DENND1A: variants seen among roughly 807,000 people sequenced by gnomAD.
DENND1A encodes the protein DENN domain-containing protein 1A.
In DENND1A, 51 loss-of-function variants were observed where a neutral mutation model predicts 113.7. The observed-to-expected ratio is 0.45, with a 90% confidence interval of 0.36 to 0.57. The LOEUF (loss-of-function observed/expected upper bound fraction) is 0.57, where lower values mean the gene tolerates loss of function less well. Among genes scored for constraint, DENND1A ranks in the 20% least tolerant of loss-of-function variants. DENND1A has a pLI of 0.00. For synonymous variants in DENND1A, 565 were observed against 570.8 expected (o/e 0.99, Z 0.14); for missense variants, 1,258 against 1,395.9 (o/e 0.90, Z 1.57).
At chr9:123,717,625 A>G (rs2067063029) in intron 5 of DENND1A, among the ~76,000 whole-genome samples, 1 of 152,242 alleles carries the variant, frequency 6.6e-6, no homozygotes, top group South Asian at 2.1e-4. Flanking sequence ...ATTATAGAAA[A>G]GAGGATATAC....
At chr9:123,630,609 T>A in intron 9 of DENND1A, 133 bp from the exon 10 acceptor site, 1 of 530,984 alleles carries the variant, frequency 1.9e-6, no homozygotes, top group Non-Finnish European at 3.0e-6. Flanking sequence ...GAAATCATTC[T>A]AAGTTAACTC....
chr9:123,780,456 CTG>C, intron 3 of DENND1A, among the ~76,000 whole-genome samples: 1 of 152,324 alleles, frequency 6.6e-6, no homozygotes, highest in South Asian at 2.1e-4. Flanking sequence ...ATAGCATTGA[CTG>C]AGCACTTACT....
At chr9:123,476,708 T>C (rs889884406) in intron 13 of DENND1A, among the ~76,000 whole-genome samples, 14 of 152,220 alleles carry the variant, frequency 9.2e-5, no homozygotes, top group Non-Finnish European at 1.9e-4. Flanking sequence ...ACTTGTATGC[T>C]CTTACCATGT....
intron 11 of DENND1A, among the ~76,000 whole-genome samples, chr9:123,608,122 T>C (rs1564808908): frequency 6.6e-6 from 1 of 152,170 alleles, no homozygotes; most frequent in Non-Finnish European, 1.5e-5. Context: ...GTGTACTGTA[T>C]GTGCTTAGGG....
At chr9:123,635,184 G>A (rs2061644323) in intron 9 of DENND1A, among the ~76,000 whole-genome samples, 1 of 152,096 alleles carries the variant, frequency 6.6e-6, no homozygotes, top group Non-Finnish European at 1.5e-5. Context: ...TCTGCAACTT[G>A]ACGTGAAATA....
intron 5 of DENND1A, among the ~76,000 whole-genome samples, chr9:123,684,147 A>C (rs1305583124): frequency 2.0e-5 from 3 of 152,178 alleles, no homozygotes; most frequent in Non-Finnish European, 4.4e-5. Flanking sequence ...TTCAATTGCT[A>C]TGTAAAAAGT....
intron 5 of DENND1A, among the ~76,000 whole-genome samples, chr9:123,748,808 G>A (rs2069753142): frequency 6.6e-6 from 1 of 152,108 alleles, no homozygotes; most frequent in Non-Finnish European, 1.5e-5. Context: ...AAAGCACCGA[G>A]GAGCCTCTCC....
chr9:123,846,961 A>C (rs1842707482), intron 2 of DENND1A, among the ~76,000 whole-genome samples: 1 of 152,206 alleles, frequency 6.6e-6, no homozygotes, highest in Non-Finnish European at 1.5e-5. Flanking sequence ...TATCTCAAGA[A>C]ACTTATTAAA....
At chr9:123,747,101 T>A (rs1234234955) in intron 5 of DENND1A, among the ~76,000 whole-genome samples, 1 of 151,814 alleles carries the variant, frequency 6.6e-6, no homozygotes, top group African/African-American at 2.4e-5. Context: ...ATTTTAAAAT[T>A]AAAAACTTAA....
At chr9:123,846,951 T>A (rs1842706726) in intron 2 of DENND1A, among the ~76,000 whole-genome samples, 1 of 152,252 alleles carries the variant, frequency 6.6e-6, no homozygotes, top group Non-Finnish European at 1.5e-5. Flanking sequence ...GGTTTGTGAA[T>A]ATCTCAAGAA....
chr9:123,460,983 G>A (rs945000717), intron 13 of DENND1A, among the ~76,000 whole-genome samples: 1 of 152,218 alleles, frequency 6.6e-6, no homozygotes, highest in African/African-American at 2.4e-5. Flanking sequence ...TAGGGGTGAG[G>A]AAAGGGAGAG....
At chr9:123,625,559 C>G (rs2061169540) in intron 10 of DENND1A, among the ~76,000 whole-genome samples, 1 of 152,178 alleles carries the variant, frequency 6.6e-6, no homozygotes, top group Admixed American at 6.5e-5. Context: ...GCCTGGCCAA[C>G]ATGGCGAAAC....
At chr9:123,411,534 C>G (rs1017178789) in intron 20 of DENND1A, 1 of 153,548 alleles carries the variant, frequency 6.5e-6, no homozygotes, top group Admixed American at 6.5e-5. Flanking sequence ...ACGCAGCACA[C>G]AGTGGCCCCC....
chr9:123,650,837 G>A (rs1236978945), intron 9 of DENND1A, among the ~76,000 whole-genome samples: 1 of 149,704 alleles, frequency 6.7e-6, no homozygotes, highest in Non-Finnish European at 1.5e-5. Context: ...TACCTGGGAG[G>A]TGGAGGTTGC....
chr9:123,566,423 C>T (rs1051593595), intron 12 of DENND1A, among the ~76,000 whole-genome samples: 3 of 152,258 alleles, frequency 2.0e-5, no homozygotes, highest in East Asian at 1.9e-4. Flanking sequence ...ACCCTACGAG[C>T]CCGGGTCTCT....
At chr9:123,824,045 A>G (rs1838928811) in intron 2 of DENND1A, among the ~76,000 whole-genome samples, 1 of 152,226 alleles carries the variant, frequency 6.6e-6, no homozygotes, top group Non-Finnish European at 1.5e-5. Flanking sequence ...TCTATTTGAC[A>G]TGAAAATCAA....
intron 11 of DENND1A, among the ~76,000 whole-genome samples, chr9:123,588,489 G>A (rs143923233): frequency 0.021 from 3,083 of 143,704 alleles, 88 homozygotes; most frequent in African/African-American, 0.073. Flanking sequence ...GTGTGGTGGC[G>A]GGTGCCTGTA....
At chr9:123,606,838 C>G (rs907942339) in intron 11 of DENND1A, among the ~76,000 whole-genome samples, 3 of 152,112 alleles carry the variant, frequency 2.0e-5, no homozygotes, top group Non-Finnish European at 4.4e-5. Context: ...TGGAGAGGAA[C>G]AAGGAAGCAA....
In DENND1A at chr9:123,878,950, C is replaced by T. The variant is rs1847920358; in HGVS notation, c.88+1G>A. On this transcript the variant is annotated splice_donor_variant, in intron 2 of 23. Coordinates refer to ENST00000394215, the MANE Select transcript of DENND1A (RefSeq NM_001352964.2). LOFTEE classifies it high-confidence loss of function. Reference sequence around the variant, plus strand: ...ATATCATAATCAAACATGCAAAGTACCTGAAAGAGTGCCACCTGTCCTGGG... The same window carrying T: ...ATATCATAATCAAACATGCAAAGTATCTGAAAGAGTGCCACCTGTCCTGGG... The T allele has an allele frequency of 6.2e-7, 1 of 1,613,736 alleles. No homozygotes were observed. Among genetic ancestry groups the T allele is most frequent in the Non-Finnish European group, 8.5e-7 (1 of 1,179,894 alleles).
Sources: gnomAD v4.1 joint callset for allele counts (sites outside exome capture counted in the v4.1 genomes callset) on GRCh38, gnomAD v4.1.1 for gene constraint, MANE v1.5 for transcripts, NCBI Gene and HGNC (gene_info 2026-07-23, HGNC 2026-07-21) for gene names.